HCN1: variants seen among roughly 807,000 people sequenced by gnomAD.
HCN1 encodes the protein potassium/sodium hyperpolarization-activated cyclic nucleotide-gated channel 1.
A neutral mutation model predicts 78.9 loss-of-function variants in HCN1; 13 were observed. That is an observed-to-expected ratio of 0.16 (90% CI 0.11 to 0.26). The LOEUF is 0.26. Among genes scored for constraint, HCN1 ranks in the 10% least tolerant of loss-of-function variants. The pLI is 1.00. For missense variants in HCN1, 810 were observed against 1,154.3 expected (o/e 0.70, Z 4.32); for synonymous variants, 552 against 455.5 (o/e 1.21, Z -2.70).
chr5:45,521,596 T>C (rs1438532699), intron 2 of HCN1, among the ~76,000 whole-genome samples: 1 of 151,964 alleles, frequency 6.6e-6, no homozygotes, highest in Non-Finnish European at 1.5e-5. Flanking sequence ...ATACCAGTCA[T>C]GCTGGATTAG....
Position 45,411,459 on chromosome 5 carries a change from A to G in HCN1, c.1012-14749T>C, listed in dbSNP as rs187621431. ...CTCCTTTCAGTTATCTAAAATCAGG[A>G]AAAAAATGCATATTCAATCATAGTA... is the stretch of plus-strand genomic sequence containing the variant. On this transcript the variant is annotated intron_variant, in intron 3 of 7. Coordinates refer to ENST00000303230, the MANE Select transcript of HCN1 (RefSeq NM_021072.4). 5.2e-3 allele frequency among the ~76,000 whole-genome samples: 788 copies of G among 151,968 alleles called. 10 individuals carry two copies. Among genetic ancestry groups the G allele is most frequent in the African/African-American group, 0.017 (703 of 41,492 alleles).
chr5:45,280,285 C>T (rs563746247), intron 6 of HCN1, among the ~76,000 whole-genome samples: 6 of 152,138 alleles, frequency 3.9e-5, no homozygotes, highest in East Asian at 1.9e-4. Context: ...ACTGGAATTT[C>T]GGAGGTCAAG....
chr5:45,674,772 C>T (rs1400413353), intron 1 of HCN1, among the ~76,000 whole-genome samples: 1 of 151,602 alleles, frequency 6.6e-6, no homozygotes, highest in Non-Finnish European at 1.5e-5. Context: ...AGAATAAATG[C>T]ATTTTCAATA....
At chr5:45,494,420 G>A (rs1422237976) in intron 2 of HCN1, among the ~76,000 whole-genome samples, 23 of 151,734 alleles carry the variant, frequency 1.5e-4, no homozygotes, top group South Asian at 4.2e-4. Flanking sequence ...GTCTGTTCAT[G>A]TCCTTCGCCC....
intron 2 of HCN1, among the ~76,000 whole-genome samples, chr5:45,469,027 A>T (rs1344202870): frequency 1.3e-5 from 2 of 151,468 alleles, no homozygotes; most frequent in Non-Finnish European, 2.9e-5. Context: ...AGGTCAAAAA[A>T]CAAAAATGTT....
chr5:45,274,711 C>G (rs1332983709), intron 6 of HCN1, among the ~76,000 whole-genome samples: 1 of 152,190 alleles, frequency 6.6e-6, no homozygotes, highest in Non-Finnish European at 1.5e-5. Flanking sequence ...TTCACCATCT[C>G]ATAAACAATT....
At chr5:45,583,953 G>A (rs1656222464) in intron 2 of HCN1, among the ~76,000 whole-genome samples, 2 of 152,296 alleles carry the variant, frequency 1.3e-5, no homozygotes, top group African/African-American at 4.8e-5. Flanking sequence ...TTCCAACTAT[G>A]TGGTCAATTT....
intron 2 of HCN1, among the ~76,000 whole-genome samples, chr5:45,534,071 T>C (rs745318526): frequency 3.3e-5 from 5 of 152,088 alleles, no homozygotes; most frequent in Non-Finnish European, 5.9e-5. Context: ...CAGCCACCTA[T>C]TGATTACTAC....
intron 2 of HCN1, among the ~76,000 whole-genome samples, chr5:45,480,323 T>C (rs1579920620): frequency 6.6e-6 from 1 of 152,220 alleles, no homozygotes; most frequent in African/African-American, 2.4e-5. Context: ...GTTTGTGTTA[T>C]TGTTTTAATT....
At chr5:45,360,776 A>G (rs910079838) in intron 4 of HCN1, among the ~76,000 whole-genome samples, 1 of 152,150 alleles carries the variant, frequency 6.6e-6, no homozygotes, top group Non-Finnish European at 1.5e-5. Flanking sequence ...TGAATGGGAA[A>G]AAACTAAAGG....
At chr5:45,664,460 T>TAAAA in intron 1 of HCN1, among the ~76,000 whole-genome samples, 1 of 121,000 alleles carries the variant, frequency 8.3e-6, no homozygotes, top group Non-Finnish European at 1.8e-5. Flanking sequence ...AGTATAATAA[T>TAAAA]AATAAAAAAA....
At chr5:45,566,362 C>T (rs925574353) in intron 2 of HCN1, among the ~76,000 whole-genome samples, 1 of 152,028 alleles carries the variant, frequency 6.6e-6, no homozygotes, top group Non-Finnish European at 1.5e-5. Flanking sequence ...GTATCAAATA[C>T]TCATTTTTCA....
intron 3 of HCN1, among the ~76,000 whole-genome samples, chr5:45,461,451 A>G (rs909619592): frequency 4.6e-5 from 7 of 152,240 alleles, no homozygotes; most frequent in South Asian, 2.1e-4. Context: ...ATGTTTTACA[A>G]TCCCTAAAAG....
At chr5:45,320,791 C>T (rs527345807) in intron 5 of HCN1, among the ~76,000 whole-genome samples, 1 of 152,002 alleles carries the variant, frequency 6.6e-6, no homozygotes, top group Admixed American at 6.6e-5. Flanking sequence ...GAAGGCTATA[C>T]ATTGGCTTTT....
chr5:45,567,505 A>G (rs1743732077), intron 2 of HCN1, among the ~76,000 whole-genome samples: 1 of 151,578 alleles, frequency 6.6e-6, no homozygotes, highest in South Asian at 2.1e-4. Flanking sequence ...AATCTTAAAG[A>G]TTAACACAGG....
chr5:45,499,564 T>C (rs1742146618), intron 2 of HCN1, among the ~76,000 whole-genome samples: 1 of 152,200 alleles, frequency 6.6e-6, no homozygotes, highest in Non-Finnish European at 1.5e-5. Flanking sequence ...TCGCTTACGC[T>C]GGGAGCTGTA....
At position 45,696,141 on chromosome 5, in the gene HCN1, C is replaced by A; in HGVS notation, c.-48G>T. The A allele has an allele frequency of 1.6e-6, 2 of 1,231,340 alleles. No individual in the cohort carries two copies. The highest frequency in any genetic ancestry group is 3.3e-5 in the Admixed American group (1 of 30,286). The allele number at this position is 1,231,340 out of a possible 1,614,324, so 76.3% of individuals were successfully genotyped here. ...CGGCGCGGGCTCCAGACTCGCCGGC[C>A]GCCCGGCGCCGGAGACACGTAGCCG... On this transcript the variant is annotated 5_prime_UTR_variant, in exon 1 of 8. Transcript: ENST00000303230.
chr5:45,422,778 C>G (rs373747503), intron 3 of HCN1, among the ~76,000 whole-genome samples: 7 of 152,000 alleles, frequency 4.6e-5, no homozygotes, highest in Non-Finnish European at 1.0e-4. Flanking sequence ...CTCTCCCACC[C>G]CTTTTATATT....
chr5:45,494,014 G>C (rs1054837641), intron 2 of HCN1, among the ~76,000 whole-genome samples: 2 of 152,058 alleles, frequency 1.3e-5, no homozygotes, highest in Non-Finnish European at 2.9e-5. Context: ...TGGACATTTG[G>C]CTTGGTTCCA....
Sources: gnomAD v4.1 joint callset for allele counts (sites outside exome capture counted in the v4.1 genomes callset) on GRCh38, gnomAD v4.1.1 for gene constraint, MANE v1.5 for transcripts, NCBI Gene and HGNC (gene_info 2026-07-23, HGNC 2026-07-21) for gene names.